Variants in ADAT2 observed in about 807,000 individuals in gnomAD.
The protein encoded by ADAT2 is adenosine deaminase tRNA specific 2.
In ADAT2, 26 loss-of-function variants were observed where a neutral mutation model predicts 25.9. The ratio of observed to expected loss-of-function variants is 1.00; its 90% CI spans 0.74 to 1.39. ADAT2 has a LOEUF of 1.39. ADAT2 is among the 40% of genes most tolerant of loss of function. The probability of loss-of-function intolerance (pLI) is 0.00; values close to 1 mark genes in which losing one functional copy is unlikely to be tolerated. For missense variants in ADAT2, 220 were observed against 244.8 expected, an observed-to-expected ratio of 0.90 and a Z score of 0.68; for synonymous variants, 76 against 86.8, an observed-to-expected ratio of 0.88 and a Z score of 0.69.
In ADAT2 at chr6:143,432,432, C is replaced by G; in HGVS notation, c.459+73G>C. 1 of 1,347,392 alleles carries G rather than the reference C, an allele frequency of 7.4e-7. No homozygotes were observed. The highest frequency in any genetic ancestry group is 1.2e-5 in the South Asian group (1 of 83,854). 83.5% of individuals were successfully genotyped at this position (1,347,392 alleles called of 1,614,324 possible). On this transcript the variant is annotated intron_variant, in intron 4 of 5. Transcript: ENST00000237283. This position sits in a 1 kb window ranked among gnomAD's most constrained non-coding sequence, Gnocchi z 4.4. ...CGTTTCTTCGTATACTGGCCACACACTAGTTATTCACAAGCCCATAAAGAG... is the reference window on the plus strand; with the variant it reads ...CGTTTCTTCGTATACTGGCCACACAGTAGTTATTCACAAGCCCATAAAGAG...
intron 1 of ADAT2, chr6:143,441,999 T>C (rs1035859070): frequency 2.6e-5 from 4 of 152,220 alleles, no homozygotes; most frequent in African/African-American, 9.6e-5. Context: ...TGGCAGTTTC[T>C]TAAAAAGCTA....
chr6:143,449,457 A>T (rs1188421394), intron 1 of ADAT2, among the ~76,000 whole-genome samples: 8 of 152,128 alleles, frequency 5.3e-5, no homozygotes, highest in African/African-American at 1.9e-4. Flanking sequence ...ACACCTAGGG[A>T]TGTGATTCCA....
chr6:143,450,367 C>T (rs886722216), intron 1 of ADAT2, among the ~76,000 whole-genome samples, 196 bp downstream of exon 1: 4 of 152,192 alleles, frequency 2.6e-5, no homozygotes, highest in Admixed American at 2.0e-4. Flanking sequence ...TGTATTTCCT[C>T]CCCTTCCTTC....
rs1779327067 is a variant in ADAT2 at position 143,437,563 on chromosome 6, T to C, written c.201+1027A>G. On this transcript the variant is annotated intron_variant, in intron 2 of 5. Transcript: ENST00000237283. The surrounding 1 kb of genome is among the most constrained non-coding windows in gnomAD (Gnocchi z 4.1). ...TCCAGTTTATTTTACTGTGGTGTTT[T>C]ATTTTTTTGGTTGTACAGAAGTTAC... Among the ~76,000 whole-genome samples, 1 of 152,254 alleles carries C rather than the reference T, an allele frequency of 6.6e-6. No homozygotes were observed. The highest frequency in any genetic ancestry group is 1.5e-5 in the Non-Finnish European group (1 of 68,038).
At position 143,428,388 on chromosome 6, in the gene ADAT2, C is replaced by T. The variant is rs796937290; in HGVS notation, c.*75G>A. ...AACAATATATAAACATATGATTCAA[C>T]GATGTCAACAGCTTTCAGTCTATGA... On this transcript the variant is annotated 3_prime_UTR_variant, in exon 6 of 6. Coordinates refer to ENST00000237283, the MANE Select transcript of ADAT2 (RefSeq NM_182503.3). The surrounding 1 kb of genome is among the most constrained non-coding windows in gnomAD (Gnocchi z 5.0). 4.6e-5 allele frequency: 68 copies of T among 1,478,484 alleles called. No homozygotes were observed. The highest frequency in any genetic ancestry group is 4.9e-4 in the Middle Eastern group (2 of 4,086). The allele number at this position is 1,478,484 out of a possible 1,614,324, so 91.6% of individuals were successfully genotyped here.
intron 1 of ADAT2, among the ~76,000 whole-genome samples, chr6:143,439,346 C>CAAAAAAAAAAAA (rs35250658): frequency 2.2e-4 from 25 of 111,514 alleles, no homozygotes; most frequent in African/African-American, 4.7e-4. Flanking sequence ...TATGTGTCTA[C>CAAAAAAAAAAAA]AAAAAAAAAA....
intron 1 of ADAT2, 53 bp downstream of exon 1, chr6:143,450,510 T>A (rs929706006): frequency 7.8e-5 from 124 of 1,587,834 alleles, no homozygotes; most frequent in Non-Finnish European, 1.0e-4. Context: ...GGGGTCGGGT[T>A]GAGGGCTGGA....
Position 143,436,852 on chromosome 6 carries a change from A to AAAAT in ADAT2, c.201+1734_201+1737dup, listed in dbSNP as rs1039242961. ...CTATTAAAGCATTTCCATAGTAAAA[A>AAAAT]AAATAAATAAATAAATAAAAATTAA... On this transcript the variant is annotated intron_variant, in intron 2 of 5. Transcript: ENST00000237283. The surrounding 1 kb of genome is among the most constrained non-coding windows in gnomAD (Gnocchi z 4.1). 6.6e-6 allele frequency: 1 copy of AAAAT among 151,586 alleles called. No individual in the cohort carries two copies. Among genetic ancestry groups the AAAAT allele is most frequent in the Non-Finnish European group, 1.5e-5 (1 of 68,028 alleles). The allele number at this position is 151,586 out of a possible 1,614,324, so 9.4% of individuals were successfully genotyped here. A position where few individuals can be genotyped will look rare whatever the true frequency, so the allele number is the denominator to read the frequency against.
chr6:143,430,181 C>T lies in ADAT2; in HGVS notation c.460-1497G>A, dbSNP rs568318324. Among the ~76,000 whole-genome samples, 360 of 152,342 alleles carry T rather than the reference C, an allele frequency of 2.4e-3. 3 individuals carry two copies. Among genetic ancestry groups the T allele is most frequent in the African/African-American group, 8.2e-3 (343 of 41,578 alleles). On this transcript the variant is annotated intron_variant, in intron 4 of 5. Coordinates refer to ENST00000237283, the MANE Select transcript of ADAT2 (RefSeq NM_182503.3). ...CCAGCCAGTCCCGTCACAGCTGCCC[C>T]CTGCTTCCTGCTGTGTTAAGTGCTG...
Position 143,434,816 on chromosome 6 carries a change from A to C in ADAT2, c.202-835T>G, listed in dbSNP as rs1204935745. Among the ~76,000 whole-genome samples, 1 of 152,194 alleles carries C rather than the reference A, an allele frequency of 6.6e-6. No individual in the cohort carries two copies. ...AAAGTGAATCATAGATTCTATATGG[A>C]ATAATTATTTATAATATTCATGACA... On this transcript the variant is annotated intron_variant, in intron 2 of 5. Transcript: ENST00000237283. This position sits in a 1 kb window ranked among gnomAD's most constrained non-coding sequence, Gnocchi z 4.5.
Position 143,436,423 on chromosome 6 carries a change from A to G in ADAT2, c.201+2167T>C. ...TGACTGGATCCCCTACAATGGGAAA[A>G]CAGCTTTCTGGGACATCCCATCCGC... On this transcript the variant is annotated intron_variant, in intron 2 of 5. Transcript: ENST00000237283. This position sits in a 1 kb window ranked among gnomAD's most constrained non-coding sequence, Gnocchi z 4.1. The G allele has an allele frequency of 3.6e-6, 1 of 277,092 alleles. No individual in the cohort carries two copies. The highest frequency in any genetic ancestry group is 7.3e-6 in the Non-Finnish European group (1 of 136,286). The allele number at this position is 277,092 out of a possible 1,614,324, so 17.2% of individuals were successfully genotyped here.
At position 143,441,379 on chromosome 6, in the gene ADAT2, C is replaced by A. The variant is rs117643470; in HGVS notation, c.97-2685G>T. 1.8e-3 allele frequency: 281 copies of A among 152,196 alleles called. 1 individual carries two copies. Among genetic ancestry groups the A allele is most frequent in the Non-Finnish European group, 3.1e-3 (214 of 68,020 alleles). 9.4% of individuals were successfully genotyped at this position (152,196 alleles called of 1,614,324 possible). ...AGACTGTTTTCATCTATTTGTGCTG[C>A]GATAAAGGAATACCTGAGGCTGGGT... On this transcript the variant is annotated intron_variant, in intron 1 of 5. Transcript: ENST00000237283.
chr6:143,450,612 G>C lies in ADAT2; in HGVS notation c.47C>G (p.Ser16Trp). ...CTTTTCGGTCTCCTCTGCCGACACC[G>C]AGCACGCGCCGCTTGCAGCTGGCTT... ...APKPAASGAC[S>W]VSAEETEKWM... Residue 16 changes from serine (S) to tryptophan (W), a missense_variant, in exon 1 of 6, where the codon TCG (serine) becomes TGG (tryptophan). Coordinates refer to ENST00000237283, the MANE Select transcript of ADAT2 (RefSeq NM_182503.3). 2 of 1,614,016 alleles carry C rather than the reference G, an allele frequency of 1.2e-6. No individual in the cohort carries two copies. The highest frequency in any genetic ancestry group is 1.7e-6 in the Non-Finnish European group (2 of 1,180,022).
chr6:143,435,185 C>T (rs895108821), intron 2 of ADAT2, among the ~76,000 whole-genome samples: 2 of 149,740 alleles, frequency 1.3e-5, no homozygotes, highest in Non-Finnish European at 3.0e-5. Flanking sequence ...AAAGGTTTCC[C>T]CAACTTAGGT....
In ADAT2 at chr6:143,450,693, G is replaced by C. The variant is rs559701583; in HGVS notation, c.-35C>G. The C allele has an allele frequency of 6.2e-7, 1 of 1,604,056 alleles. No homozygotes were observed. Among genetic ancestry groups the C allele is most frequent in the Non-Finnish European group, 8.5e-7 (1 of 1,175,336 alleles). ...CCACTCAGCTACAGAGCCCGCGGCA[G>C]AGGAGGAGCGCGGGCAGCGGAACGC... is the stretch of plus-strand genomic sequence containing the variant. On this transcript the variant is annotated 5_prime_UTR_variant, in exon 1 of 6. Coordinates refer to ENST00000237283, the MANE Select transcript of ADAT2 (RefSeq NM_182503.3).
intron 1 of ADAT2, chr6:143,449,950 G>C (rs1192426834): frequency 6.6e-6 from 1 of 152,228 alleles, no homozygotes; most frequent in African/African-American, 2.4e-5. Context: ...ACAGGTCATT[G>C]TGTGGCACGT....
intron 1 of ADAT2, chr6:143,441,358 T>G (rs999811680): frequency 3.9e-5 from 6 of 152,192 alleles, no homozygotes; most frequent in African/African-American, 1.4e-4. Flanking sequence ...AGAAAAAGAC[T>G]GTTTTCATCT....
At chr6:143,447,521 G>A (rs1007142462) in intron 1 of ADAT2, among the ~76,000 whole-genome samples, 4 of 152,102 alleles carry the variant, frequency 2.6e-5, no homozygotes, top group African/African-American at 2.4e-5. Context: ...AGAGAGATAT[G>A]GAAGGATGCT....
In ADAT2 at chr6:143,426,175, C is replaced by T. The variant is rs1778928712; in HGVS notation, c.*2288G>A. The T allele has an allele frequency of 6.6e-6, 1 of 152,198 alleles. No homozygotes were observed. Among genetic ancestry groups the T allele is most frequent in the African/African-American group, 2.4e-5 (1 of 41,448 alleles). 9.4% of individuals were successfully genotyped at this position (152,198 alleles called of 1,614,324 possible). A position where few individuals can be genotyped will look rare whatever the true frequency, so the allele number is the denominator to read the frequency against. ...TTTCAGCTGGTGTCTTGGACAGGCA[C>T]TATCAGTATCAATCAATGGAATTCA... On this transcript the variant is annotated 3_prime_UTR_variant, in exon 6 of 6. Coordinates refer to ENST00000237283, the MANE Select transcript of ADAT2 (RefSeq NM_182503.3). The surrounding 1 kb of genome is among the most constrained non-coding windows in gnomAD (Gnocchi z 4.1).
Sources: allele counts gnomAD v4.1 joint callset (sites outside exome capture counted in the v4.1 genomes callset), GRCh38; gene constraint gnomAD v4.1.1; non-coding constraint Gnocchi (gnomAD v3.1); transcripts MANE v1.5; gene names NCBI Gene and HGNC (gene_info 2026-07-23, HGNC 2026-07-21).